SOBP: variants seen among roughly 807,000 people sequenced by gnomAD.
SOBP encodes sine oculis-binding protein homolog.
SOBP carries 4 observed loss-of-function variants against 53.6 expected under a neutral mutation model. The observed-to-expected ratio is 0.07, with a 90% CI of 0.04 to 0.17. The LOEUF (loss-of-function observed/expected upper bound fraction) is 0.17. Ranked by LOEUF, SOBP falls within the 10% of genes least tolerant of loss-of-function variation. The probability of loss-of-function intolerance (pLI) is 1.00; values close to 1 mark genes in which losing one functional copy is unlikely to be tolerated. For synonymous variants in SOBP, 584 were observed against 522.6 expected, an observed-to-expected ratio of 1.12 and a Z score of -1.60; for missense variants, 1,088 against 1,204.7, an observed-to-expected ratio of 0.90 and a Z score of 1.43.
At chr6:107,632,085 C>A (rs1166779154) in intron 5 of SOBP, among the ~76,000 whole-genome samples, 1 of 152,152 alleles carries the variant, frequency 6.6e-6, no homozygotes, top group East Asian at 1.9e-4. Flanking sequence ...TGTGACCAAT[C>A]ATTATTAAAA....
intron 5 of SOBP, among the ~76,000 whole-genome samples, chr6:107,595,284 T>C (rs1785904337): frequency 6.6e-6 from 1 of 151,768 alleles, no homozygotes. Flanking sequence ...ATAGAAAATA[T>C]ATTTTTCAAT....
Position 107,635,220 on chromosome 6 carries a change from C to T in SOBP, c.2376C>T (p.Gly792=). 1 of 1,613,860 alleles carries T rather than the reference C, an allele frequency of 6.2e-7. No individual in the cohort carries two copies. Among genetic ancestry groups the T allele is most frequent in the Non-Finnish European group, 8.5e-7 (1 of 1,179,976 alleles). The change falls in exon 6 of 7, where the codon GGC becomes GGT. Residue 792 remains glycine (G), a synonymous_variant. Coordinates refer to ENST00000317357, the MANE Select transcript of SOBP (RefSeq NM_018013.4). This position sits in a 1 kb window ranked among gnomAD's most constrained non-coding sequence, Gnocchi z 4.5. ...GGGAGGCGGCCAAAAAGCTGATGGGCGAGGAGGCCCTGGCGGGGGGCGACA... is the reference window on the plus strand; with the variant it reads ...GGGAGGCGGCCAAAAAGCTGATGGGTGAGGAGGCCCTGGCGGGGGGCGACA... ...LDGEAAKKLM[G]EEALAGGDKS...
At chr6:107,542,898 C>T (rs1030348358) in intron 4 of SOBP, among the ~76,000 whole-genome samples, 9 of 152,038 alleles carry the variant, frequency 5.9e-5, no homozygotes, top group Admixed American at 4.6e-4. Context: ...AGGTTAGGGC[C>T]TCAGAAGGCA....
intron 4 of SOBP, among the ~76,000 whole-genome samples, chr6:107,540,474 C>T (rs904754495): frequency 6.6e-5 from 10 of 152,244 alleles, no homozygotes; most frequent in Non-Finnish European, 8.8e-5. Flanking sequence ...ATGTTACAAT[C>T]CACTCTTAGG....
rs901371949 is a variant in SOBP at position 107,660,482 on chromosome 6, T to A, written c.*2279T>A. Reference sequence around the variant, plus strand: ...CCAAGTGCTCTTCAAGTCCTGATCTTTTTTGGCTCCAAGGGTTCAGGCCTG... The same window carrying A: ...CCAAGTGCTCTTCAAGTCCTGATCTATTTTGGCTCCAAGGGTTCAGGCCTG... On this transcript the variant is annotated 3_prime_UTR_variant, in exon 7 of 7. Transcript: ENST00000317357. Among the ~76,000 whole-genome samples the A allele has an allele frequency of 6.6e-6, 1 of 152,244 alleles. No homozygotes were observed. Among genetic ancestry groups the A allele is most frequent in the South Asian group, 2.1e-4 (1 of 4,814 alleles).
At chr6:107,648,646 CT>C (rs1296033159) in intron 6 of SOBP, among the ~76,000 whole-genome samples, 6 of 151,954 alleles carry the variant, frequency 3.9e-5, no homozygotes, top group Non-Finnish European at 2.9e-5. Flanking sequence ...TGCCACCCTA[CT>C]GTCAGGGCAA....
chr6:107,628,608 CACAATCATTAG>C, intron 5 of SOBP, among the ~76,000 whole-genome samples: 1 of 152,304 alleles, frequency 6.6e-6, no homozygotes, highest in Middle Eastern at 3.4e-3. Flanking sequence ...ATGCCTAGCA[CACAATCATTAG>C]ACTGTTAGCT....
intron 6 of SOBP, among the ~76,000 whole-genome samples, chr6:107,656,325 A>AAGAC (rs1562131066): frequency 2.4e-4 from 3 of 12,562 alleles, no homozygotes; most frequent in Admixed American, 1.2e-3. Context: ...GAAAGAAAGA[A>AAGAC]AGAAAGAAAG....
At chr6:107,612,439 C>T (rs922646150) in intron 5 of SOBP, among the ~76,000 whole-genome samples, 3 of 152,164 alleles carry the variant, frequency 2.0e-5, no homozygotes, top group Non-Finnish European at 2.9e-5. Flanking sequence ...TTAGGCTCCT[C>T]TTTGTAGACT....
At chr6:107,551,251 A>C (rs1296065829) in intron 4 of SOBP, among the ~76,000 whole-genome samples, 1 of 152,202 alleles carries the variant, frequency 6.6e-6, no homozygotes, top group Non-Finnish European at 1.5e-5. Flanking sequence ...AGGAGGCTGT[A>C]ATTGCAGTTG....
chr6:107,627,370 C>T (rs1355824787), intron 5 of SOBP, among the ~76,000 whole-genome samples: 1 of 152,212 alleles, frequency 6.6e-6, no homozygotes, highest in Non-Finnish European at 1.5e-5. Context: ...AAGCCCATCT[C>T]TGCTCTGCCT....
chr6:107,535,934 A>G (rs770400809), intron 4 of SOBP, among the ~76,000 whole-genome samples: 1 of 152,178 alleles, frequency 6.6e-6, no homozygotes, highest in Non-Finnish European at 1.5e-5. Flanking sequence ...CTCCTCTTGT[A>G]TCATTTAACA....
Position 107,587,063 on chromosome 6 carries a change from A to G in SOBP, c.574-17A>G. 11 of 1,604,664 alleles carry G rather than the reference A, an allele frequency of 6.9e-6. No homozygotes were observed. Among genetic ancestry groups the G allele is most frequent in the African/African-American group, 1.3e-5 (1 of 74,822 alleles). ...TTATTTGTAAGTCCCTAAATAGGCC[A>G]TTATATTTCCCTTCAGGCTAGAGAT... On this transcript the variant is annotated splice_polypyrimidine_tract_variant and intron_variant, in intron 4 of 6. Coordinates refer to ENST00000317357, the MANE Select transcript of SOBP (RefSeq NM_018013.4).
intron 3 of SOBP, among the ~76,000 whole-genome samples, chr6:107,513,054 A>AT (rs1361616857): frequency 6.6e-6 from 1 of 152,222 alleles, no homozygotes; most frequent in Non-Finnish European, 1.5e-5. Context: ...AAGTGCCCTT[A>AT]TTCTCATTTC....
At chr6:107,653,932 G>C (rs562186698) in intron 6 of SOBP, among the ~76,000 whole-genome samples, 77 of 152,354 alleles carry the variant, frequency 5.1e-4, no homozygotes, top group Non-Finnish European at 1.0e-3. Context: ...TCAACATTGA[G>C]AGAATGTATT....
intron 6 of SOBP, among the ~76,000 whole-genome samples, chr6:107,636,950 C>T (rs1771070805): frequency 6.6e-6 from 1 of 152,054 alleles, no homozygotes; most frequent in Admixed American, 6.5e-5. Flanking sequence ...AGTTGAGATG[C>T]AAATCCAGGC....
intron 3 of SOBP, among the ~76,000 whole-genome samples, chr6:107,518,667 A>G: frequency 6.6e-6 from 1 of 152,020 alleles, no homozygotes; most frequent in East Asian, 1.9e-4. Flanking sequence ...GATTCCTTAG[A>G]TGGGCTTAGG....
intron 6 of SOBP, among the ~76,000 whole-genome samples, chr6:107,644,926 G>A (rs912616474): frequency 6.6e-6 from 1 of 152,136 alleles, no homozygotes; most frequent in African/African-American, 2.4e-5. Context: ...AAATAAGATG[G>A]CATCATAAAC....
In SOBP at chr6:107,634,641, C is replaced by G. The variant is rs774760681; in HGVS notation, c.1797C>G (p.Pro599=). The G allele has an allele frequency of 7.6e-6, 12 of 1,572,406 alleles. No homozygotes were observed. The highest frequency in any genetic ancestry group is 4.5e-5 in the South Asian group (4 of 88,062). Reference sequence around the variant, plus strand: ...CGTCCAAGTCCGCGGACTCGCCCCCCGGCTGCTCGGGCCAGGCCCTGAGCC... The same window carrying G: ...CGTCCAAGTCCGCGGACTCGCCCCCGGGCTGCTCGGGCCAGGCCCTGAGCC... The part of the protein sequence containing the change: ...QGSSKSADSP[P]GCSGQALSLA... Residue 599 remains proline, a synonymous_variant, in exon 6 of 7, where the codon CCC becomes CCG. Transcript: ENST00000317357. This position sits in a 1 kb window ranked among gnomAD's most constrained non-coding sequence, Gnocchi z 4.5.
Sources: allele counts gnomAD v4.1 joint callset (sites outside exome capture counted in the v4.1 genomes callset), GRCh38; gene constraint gnomAD v4.1.1; non-coding constraint Gnocchi (gnomAD v3.1); transcripts MANE v1.5; gene names NCBI Gene and HGNC (gene_info 2026-07-23, HGNC 2026-07-21).